Variants in EYS observed in about 807,000 individuals in gnomAD.
The protein encoded by EYS is EGF-like photoreceptor maintenance factor.
EYS carries 250 observed loss-of-function variants against 282.1 expected under a neutral mutation model. The observed-to-expected ratio is 0.89, with a 90% CI of 0.80 to 0.98. EYS has a LOEUF of 0.98. Among genes scored for constraint, EYS ranks in the 50% least tolerant of loss-of-function variants. The pLI is 0.00. For synonymous variants in EYS, 1,355 were observed against 1,282.9 expected (o/e 1.06, Z -1.20); for missense variants, 4,016 against 3,709.0 (o/e 1.08, Z -2.15).
intron 11 of EYS, chr6:65,332,465 T>C (rs1430620907): frequency 7.4e-7 from 1 of 1,343,384 alleles, no homozygotes; most frequent in African/African-American, 1.5e-5. Context: ...ACTTAAGGCC[T>C]AATATTTAAG....
intron 2 of EYS, among the ~76,000 whole-genome samples, chr6:65,519,709 T>TATATATATATATATATATATATATA (rs1554205853): frequency 2.1e-4 from 7 of 33,960 alleles, no homozygotes; most frequent in Non-Finnish European, 2.8e-4. Context: ...TATATATATA[T>TATATATATATATATATATATATATA]TTTTTTTTTT....
intron 2 of EYS, among the ~76,000 whole-genome samples, chr6:65,615,400 A>ATG (rs71002323): frequency 1.5e-5 from 2 of 132,650 alleles, no homozygotes; most frequent in African/African-American, 5.4e-5. Context: ...ATATATATAT[A>ATG]TGTGTGTGTA....
intron 35 of EYS, among the ~76,000 whole-genome samples, chr6:63,947,030 C>T (rs554303283): frequency 6.6e-6 from 1 of 151,908 alleles, no homozygotes; most frequent in African/African-American, 2.4e-5. Context: ...AAATATGCCT[C>T]AAAGGTAGTA....
At chr6:65,157,795 T>C (rs1764761989) in intron 12 of EYS, among the ~76,000 whole-genome samples, 1 of 150,650 alleles carries the variant, frequency 6.6e-6, no homozygotes, top group Non-Finnish European at 1.5e-5. Context: ...ACAGGTTTTT[T>C]CCCCCCATAT....
intron 35 of EYS, among the ~76,000 whole-genome samples, chr6:63,881,180 C>T (rs940687726): frequency 2.3e-4 from 35 of 152,134 alleles, no homozygotes; most frequent in East Asian, 9.6e-4. Context: ...TTGGGGGGAT[C>T]GTTTTAAGCT....
chr6:63,828,978 G>T (rs902256778), intron 36 of EYS, among the ~76,000 whole-genome samples: 3 of 152,140 alleles, frequency 2.0e-5, no homozygotes, highest in African/African-American at 7.2e-5. Flanking sequence ...CCACTACAGG[G>T]TATCTATTGA....
At chr6:65,411,992 A>G (rs1233996073) in intron 5 of EYS, among the ~76,000 whole-genome samples, 1 of 151,958 alleles carries the variant, frequency 6.6e-6, no homozygotes. Context: ...CTAATCCTCA[A>G]TACAATAGAT....
chr6:64,275,322 G>A (rs1404488252), intron 30 of EYS, among the ~76,000 whole-genome samples: 3 of 152,096 alleles, frequency 2.0e-5, no homozygotes, highest in Non-Finnish European at 4.4e-5. Context: ...GGGTGGTGGA[G>A]TATGCATAAG....
chr6:64,396,094 ACT>A (rs966876121), intron 28 of EYS, among the ~76,000 whole-genome samples: 11 of 151,646 alleles, frequency 7.3e-5, no homozygotes, highest in South Asian at 2.1e-4. Context: ...GCACACACAT[ACT>A]CTCTCTCACA....
intron 30 of EYS, among the ~76,000 whole-genome samples, chr6:64,253,169 A>C (rs1767279181): frequency 6.6e-6 from 1 of 152,186 alleles, no homozygotes; most frequent in Non-Finnish European, 1.5e-5. Flanking sequence ...TCAGTTAAAT[A>C]GTTTAAATTA....
At chr6:64,568,450 G>T (rs1358228745) in intron 26 of EYS, among the ~76,000 whole-genome samples, 1 of 152,194 alleles carries the variant, frequency 6.6e-6, no homozygotes, top group African/African-American at 2.4e-5. Flanking sequence ...TCTCTGGGCA[G>T]CGCATCTCTG....
chr6:63,761,074 A>C (rs1259011753), intron 41 of EYS, among the ~76,000 whole-genome samples: 1 of 145,240 alleles, frequency 6.9e-6, no homozygotes, highest in East Asian at 2.0e-4. Context: ...GCTCTGCACT[A>C]TATGATGGAT....
chr6:65,513,243 G>A (rs1460157492), intron 2 of EYS, among the ~76,000 whole-genome samples: 7 of 152,118 alleles, frequency 4.6e-5, no homozygotes, highest in Admixed American at 3.9e-4. Flanking sequence ...AAACCAGGAA[G>A]AAGTTGAATC....
intron 22 of EYS, among the ~76,000 whole-genome samples, chr6:64,713,954 GT>G (rs1477245794): frequency 6.6e-6 from 1 of 152,134 alleles, no homozygotes; most frequent in Non-Finnish European, 1.5e-5. Context: ...TGAGCCTTTA[GT>G]TTCTTTGCTT....
intron 22 of EYS, among the ~76,000 whole-genome samples, chr6:64,710,825 A>T (rs1771187355): frequency 6.6e-6 from 1 of 152,220 alleles, no homozygotes; most frequent in Non-Finnish European, 1.5e-5. Flanking sequence ...CATTTATGCA[A>T]ATGCTCACAG....
At chr6:64,650,176 C>A (rs1318235203) in intron 22 of EYS, among the ~76,000 whole-genome samples, 1 of 151,846 alleles carries the variant, frequency 6.6e-6, no homozygotes, top group African/African-American at 2.4e-5. Flanking sequence ...ATAGCAAAAA[C>A]TCTGGTTTAA....
At chr6:64,365,541 GCAGTCTTTGA>G (rs1441715271) in intron 29 of EYS, among the ~76,000 whole-genome samples, 2 of 151,964 alleles carry the variant, frequency 1.3e-5, no homozygotes, top group Non-Finnish European at 2.9e-5. Context: ...GTTACAACCA[GCAGTCTTTGA>G]CATCTCTGCA....
intron 19 of EYS, among the ~76,000 whole-genome samples, chr6:64,873,526 G>A (rs990487232): frequency 6.6e-6 from 1 of 152,064 alleles, no homozygotes; most frequent in Non-Finnish European, 1.5e-5. Context: ...GCCAGAGGCT[G>A]GAGGAAGGAG....
intron 29 of EYS, among the ~76,000 whole-genome samples, chr6:64,371,839 T>C (rs747082124): frequency 2.2e-4 from 33 of 152,148 alleles, no homozygotes; most frequent in Non-Finnish European, 3.8e-4. Context: ...AGAGCACCCC[T>C]TGCCTTTTTG....
Sources: allele counts gnomAD v4.1 joint callset (sites outside exome capture counted in the v4.1 genomes callset), GRCh38; gene constraint gnomAD v4.1.1; transcripts MANE v1.5; gene names NCBI Gene and HGNC (gene_info 2026-07-23, HGNC 2026-07-21).